AUTS2: variants seen among roughly 807,000 people sequenced by gnomAD.
The protein encoded by AUTS2 is autism susceptibility gene 2 protein.
In AUTS2, 17 loss-of-function variants were observed where a neutral mutation model predicts 112.4. The observed-to-expected ratio is 0.15, with a 90% CI of 0.10 to 0.23. The LOEUF (loss-of-function observed/expected upper bound fraction) is 0.23, where lower values mean the gene tolerates loss of function less well. AUTS2 is among the 10% of genes least tolerant of loss of function. AUTS2 has a pLI of 1.00. For synonymous variants in AUTS2, 751 were observed against 702.7 expected (o/e 1.07, Z -1.09); for missense variants, 1,510 against 1,701.6 (o/e 0.89, Z 1.98).
At position 70,571,537 on chromosome 7, in the gene AUTS2, T is replaced by C. The variant is rs369732102; in HGVS notation, c.691-127032T>C. On this transcript the variant is annotated intron_variant, in intron 5 of 18. Transcript: ENST00000342771. ...TGGGAGTTACATAAACCCCCATGGT[T>C]TTCTGACTTTTCACTAGAGTCAATA... is the stretch of plus-strand genomic sequence containing the variant. Among the ~76,000 whole-genome samples the C allele has an allele frequency of 7.2e-5, 11 of 152,294 alleles. No individual in the cohort carries two copies. The East Asian group carries it at 1.9e-3, about 27-fold the overall frequency.
chr7:70,744,018 A>G lies in AUTS2; in HGVS notation c.743-18852A>G, dbSNP rs537749335. Reference sequence around the variant, plus strand: ...CAGCCCCTGTTTTGTAAGAGAGGCTATCCAACTCATGTATTTCCAGCCCCG... The same window carrying G: ...CAGCCCCTGTTTTGTAAGAGAGGCTGTCCAACTCATGTATTTCCAGCCCCG... On this transcript the variant is annotated intron_variant, in intron 6 of 18. Transcript: ENST00000342771. 4.5e-4 allele frequency among the ~76,000 whole-genome samples: 68 copies of G among 149,772 alleles called. 1 individual carries two copies. Among genetic ancestry groups the G allele is most frequent in the Non-Finnish European group, 1.8e-4 (12 of 67,582 alleles).
chr7:70,279,303 C>A (rs937358566), intron 4 of AUTS2, among the ~76,000 whole-genome samples: 1 of 152,164 alleles, frequency 6.6e-6, no homozygotes, highest in African/African-American at 2.4e-5. Flanking sequence ...TATTTAAGAG[C>A]AGTGCTTACC....
intron 5 of AUTS2, among the ~76,000 whole-genome samples, chr7:70,560,023 C>T (rs1295472002): frequency 1.3e-5 from 2 of 152,232 alleles, no homozygotes; most frequent in Non-Finnish European, 2.9e-5. Context: ...TCCCACTACT[C>T]TGCTCCAGTC....
At chr7:69,956,828 T>C (rs1015146822) in intron 2 of AUTS2, among the ~76,000 whole-genome samples, 4 of 152,066 alleles carry the variant, frequency 2.6e-5, no homozygotes, top group South Asian at 2.1e-4. Flanking sequence ...TAGTAGGTTA[T>C]ATTATTTACT....
chr7:70,091,435 T>C (rs1344233506), intron 2 of AUTS2, among the ~76,000 whole-genome samples: 1 of 152,230 alleles, frequency 6.6e-6, no homozygotes, highest in Non-Finnish European at 1.5e-5. Flanking sequence ...CTTTACCTAA[T>C]GGACCCATTT....
chr7:69,821,943 G>C (rs1259459999), intron 1 of AUTS2, among the ~76,000 whole-genome samples: 1 of 148,934 alleles, frequency 6.7e-6, no homozygotes, highest in Admixed American at 6.7e-5. Flanking sequence ...AAAAAGTCTA[G>C]TAAGTTTTTG....
chr7:69,769,943 G>T (rs1159076780), intron 1 of AUTS2, among the ~76,000 whole-genome samples: 1 of 152,216 alleles, frequency 6.6e-6, no homozygotes, highest in Non-Finnish European at 1.5e-5. Flanking sequence ...TATATATCAG[G>T]TTGCTTTCAT....
chr7:70,232,435 A>T (rs1181418224), intron 4 of AUTS2, among the ~76,000 whole-genome samples: 3 of 149,938 alleles, frequency 2.0e-5, no homozygotes, highest in African/African-American at 7.4e-5. Context: ...ACAGAGTCCC[A>T]CTCTGTCACG....
At chr7:70,650,386 G>C (rs1405729017) in intron 5 of AUTS2, among the ~76,000 whole-genome samples, 1 of 152,232 alleles carries the variant, frequency 6.6e-6, no homozygotes, top group African/African-American at 2.4e-5. Context: ...CCTGGGTTCA[G>C]TGAACTTGAG....
chr7:70,654,294 C>T (rs1025945529), intron 5 of AUTS2, among the ~76,000 whole-genome samples: 2 of 152,140 alleles, frequency 1.3e-5, no homozygotes, highest in Admixed American at 6.5e-5. Context: ...TATTTGAGGG[C>T]TTTTGAGGGC....
At chr7:69,884,662 C>T (rs1001009865) in intron 1 of AUTS2, among the ~76,000 whole-genome samples, 2 of 152,158 alleles carry the variant, frequency 1.3e-5, no homozygotes, top group African/African-American at 4.8e-5. Context: ...GAAGCTTTGG[C>T]CTAGAGACAA....
chr7:69,646,415 TGA>T (rs1468582623), intron 1 of AUTS2, among the ~76,000 whole-genome samples: 1 of 152,212 alleles, frequency 6.6e-6, no homozygotes, highest in Admixed American at 6.5e-5. Context: ...GTAACAATGT[TGA>T]GAGGCTGTAT....
chr7:70,606,715 C>T (rs572867653), intron 5 of AUTS2, among the ~76,000 whole-genome samples: 4 of 151,938 alleles, frequency 2.6e-5, no homozygotes, highest in South Asian at 2.1e-4. Context: ...TTCCAAAATT[C>T]GCCAGGCGTG....
At chr7:69,699,661 T>TTC (rs1562820047) in intron 1 of AUTS2, among the ~76,000 whole-genome samples, 3 of 147,580 alleles carry the variant, frequency 2.0e-5, no homozygotes, top group East Asian at 2.0e-4. Context: ...TTTTTTTTTT[T>TTC]CCCGAGACAG....
At chr7:69,784,580 C>CT (rs1789283588) in intron 1 of AUTS2, among the ~76,000 whole-genome samples, 1 of 152,206 alleles carries the variant, frequency 6.6e-6, no homozygotes, top group Admixed American at 6.5e-5. Context: ...TCTGTTATTT[C>CT]TTTAAGAGGA....
At chr7:70,730,103 C>G (rs1310951777) in intron 6 of AUTS2, among the ~76,000 whole-genome samples, 1 of 152,120 alleles carries the variant, frequency 6.6e-6, no homozygotes, top group South Asian at 2.1e-4. Flanking sequence ...AGGCTGGTCT[C>G]AAACTCCTGA....
At chr7:70,780,894 T>A (rs1002213239) in intron 14 of AUTS2, among the ~76,000 whole-genome samples, 1 of 152,328 alleles carries the variant, frequency 6.6e-6, no homozygotes, top group Admixed American at 6.5e-5. Flanking sequence ...AAACAAACAA[T>A]TAATTTATAC....
intron 4 of AUTS2, among the ~76,000 whole-genome samples, chr7:70,420,724 T>A (rs1226808361): frequency 2.6e-5 from 4 of 152,176 alleles, no homozygotes; most frequent in Non-Finnish European, 5.9e-5. Context: ...TTATGTAAAA[T>A]TTTTAAAAAT....
chr7:69,774,611 A>G (rs1310241278), intron 1 of AUTS2, among the ~76,000 whole-genome samples: 1 of 152,226 alleles, frequency 6.6e-6, no homozygotes, highest in African/African-American at 2.4e-5. Flanking sequence ...AAAATAGGAA[A>G]TCTCAGCAAG....
Sources: gnomAD v4.1 joint callset for allele counts (sites outside exome capture counted in the v4.1 genomes callset) on GRCh38, gnomAD v4.1.1 for gene constraint, MANE v1.5 for transcripts, NCBI Gene and HGNC (gene_info 2026-07-23, HGNC 2026-07-21) for gene names.